Variants in DOCK9 observed in about 807,000 individuals in gnomAD.
The protein encoded by DOCK9 is dedicator of cytokinesis protein 9.
Under a neutral mutation model 263.3 loss-of-function variants are expected in DOCK9, and 89 were observed. That is an observed-to-expected ratio of 0.34 (90% confidence interval 0.28 to 0.40). The LOEUF is 0.40. Ranked by LOEUF, DOCK9 falls within the 10% of genes least tolerant of loss-of-function variation. The pLI is 1.00. For synonymous variants in DOCK9, 976 were observed against 973.1 expected, an observed-to-expected ratio of 1.00 and a Z score of -0.06; for missense variants, 2,140 against 2,603.4, an observed-to-expected ratio of 0.82 and a Z score of 3.87.
chr13:99,071,306 C>CTTTTTTTTTTTTTTTTTTTTTTTTTTTTT (rs71114578), intron 1 of DOCK9, among the ~76,000 whole-genome samples: 6 of 49,330 alleles, frequency 1.2e-4, no homozygotes, highest in East Asian at 6.7e-4. Context: ...CCATGCCTGG[C>CTTTTTTTTTTTTTTTTTTTTTTTTTTTTT]TTTTTTTTTT....
rs549245322 is a variant in DOCK9 at position 98,846,466 on chromosome 13, A to C, written c.4062-406T>G. On this transcript the variant is annotated intron_variant, in intron 37 of 52. Transcript: ENST00000682017. ...TTAAAAAATGCATTGGAAGACACAG[A>C]GAACAAACATGCAAAGGAAGGGATT... 7.8e-6 allele frequency: 10 copies of C among 1,284,728 alleles called. No homozygotes were observed. In the South Asian group the frequency reaches 1.0e-4, roughly 13 times the overall value. 79.6% of individuals were successfully genotyped at this position (1,284,728 alleles called of 1,614,324 possible).
intron 1 of DOCK9, among the ~76,000 whole-genome samples, chr13:99,071,305 G>GTTTTTTTTTTT (rs1566387440): frequency 2.8e-5 from 2 of 70,930 alleles, no homozygotes; most frequent in East Asian, 5.0e-4. Context: ...ACCATGCCTG[G>GTTTTTTTTTTT]CTTTTTTTTT....
At chr13:98,844,530 T>C (rs1302845115) in intron 38 of DOCK9, among the ~76,000 whole-genome samples, 1 of 151,938 alleles carries the variant, frequency 6.6e-6, no homozygotes, top group Non-Finnish European at 1.5e-5. Context: ...GCCTGACTAG[T>C]TTTTGTATTT....
chr13:98,799,300 T>C (rs1474848791), intron 50 of DOCK9, among the ~76,000 whole-genome samples: 1 of 152,168 alleles, frequency 6.6e-6, no homozygotes, highest in Admixed American at 6.5e-5. Context: ...TTCATAAACA[T>C]ACCCTTCTTG....
At chr13:98,948,004 T>C (rs895087671) in intron 2 of DOCK9, among the ~76,000 whole-genome samples, 3 of 152,198 alleles carry the variant, frequency 2.0e-5, no homozygotes, top group African/African-American at 7.2e-5. Context: ...TTCTTTTGGC[T>C]CTATATAAGA....
rs537347168 is a variant in DOCK9, at chr13:99,075,400, T to A, written c.129+10823A>T. 2.8e-5 allele frequency among the ~76,000 whole-genome samples: 4 copies of A among 144,342 alleles called. No individual in the cohort carries two copies. The East Asian group carries it at 8.6e-4, about 31-fold the overall frequency. The allele number at this position is 144,342 out of a possible 152,430, so 94.7% of individuals were successfully genotyped here. Reference sequence around the variant, plus strand: ...GAGACAGTCTCACTTTCACCCAGGCTAGAGTGCAGTGGCTCAATCAGAGCT... The same window carrying A: ...GAGACAGTCTCACTTTCACCCAGGCAAGAGTGCAGTGGCTCAATCAGAGCT... On this transcript the variant is annotated intron_variant, in intron 1 of 32. Coordinates refer to the DOCK9 transcript ENST00000427887.
At chr13:99,056,826 G>A (rs1355735496) in intron 1 of DOCK9, among the ~76,000 whole-genome samples, 1 of 152,174 alleles carries the variant, frequency 6.6e-6, no homozygotes, top group Admixed American at 6.5e-5. Flanking sequence ...GGAGGCCAAG[G>A]AGCAGCTCCT....
At position 99,056,573 on chromosome 13, in the gene DOCK9, G is replaced by A. The variant is rs141629853; in HGVS notation, c.129+29650C>T. On this transcript the variant is annotated intron_variant, in intron 1 of 32. Coordinates refer to the DOCK9 transcript ENST00000427887. Reference sequence around the variant, plus strand: ...CCAGTCACCCAGAGCAAAGAAATGAGCAACCTAGAAGTCATTTCTGGATGG... The same window carrying A: ...CCAGTCACCCAGAGCAAAGAAATGAACAACCTAGAAGTCATTTCTGGATGG... Among the ~76,000 whole-genome samples, 713 of 152,292 alleles carry A rather than the reference G, an allele frequency of 4.7e-3. 9 individuals carry two copies. Among genetic ancestry groups the A allele is most frequent in the African/African-American group, 0.016 (673 of 41,556 alleles).
intron 9 of DOCK9, among the ~76,000 whole-genome samples, chr13:98,913,261 C>T (rs1453018318): frequency 2.6e-5 from 4 of 151,992 alleles, no homozygotes; most frequent in East Asian, 1.9e-4. Flanking sequence ...TGTGGAGGGT[C>T]GCCATTTCAC....
chr13:99,012,780 G>A (rs1212944488), intron 1 of DOCK9, among the ~76,000 whole-genome samples: 1 of 152,158 alleles, frequency 6.6e-6, no homozygotes, highest in Non-Finnish European at 1.5e-5. Flanking sequence ...ACTTCTTGGT[G>A]TGTGTTCTTG....
At chr13:98,868,174 T>C in intron 28 of DOCK9, 57 bp downstream of exon 28, 1 of 1,600,510 alleles carries the variant, frequency 6.2e-7, no homozygotes, top group Non-Finnish European at 8.5e-7. Flanking sequence ...GCTAGACAGC[T>C]GGTAAAAAGC....
intron 38 of DOCK9, among the ~76,000 whole-genome samples, chr13:98,843,408 T>C (rs1440218098): frequency 6.6e-6 from 1 of 152,170 alleles, no homozygotes; most frequent in African/African-American, 2.4e-5. Flanking sequence ...CAGTATGCAC[T>C]CCCTTCTCTG....
upstream of DOCK9, among the ~76,000 whole-genome samples, chr13:98,982,088 C>T (rs1477163856): frequency 6.6e-6 from 1 of 152,028 alleles, no homozygotes; most frequent in African/African-American, 2.4e-5. Context: ...TGTTGTAAAC[C>T]CTGTGGGGAA....
chr13:99,019,542 C>T (rs1885826443), intron 1 of DOCK9, among the ~76,000 whole-genome samples: 1 of 152,076 alleles, frequency 6.6e-6, no homozygotes, highest in Non-Finnish European at 1.5e-5. Context: ...TCAATGGGAA[C>T]CCTCACTCCA....
chr13:99,008,879 T>G (rs1429925744), intron 1 of DOCK9, among the ~76,000 whole-genome samples: 1 of 152,202 alleles, frequency 6.6e-6, no homozygotes, highest in Non-Finnish European at 1.5e-5. Flanking sequence ...AAAGACCCTA[T>G]TGCCAAACAC....
Position 99,008,229 on chromosome 13 carries a change from T to TAC in DOCK9, c.130-52679_130-52678insGT, listed in dbSNP as rs1567201224. On this transcript the variant is annotated intron_variant, in intron 1 of 32. Transcript: ENST00000427887. ...CTCTCTCTCTATATATATATATATATATATATTTTTTTTTTTTTTTGAGAC... is the reference window on the plus strand; with the variant it reads ...CTCTCTCTCTATATATATATATATATACATATATTTTTTTTTTTTTTTGAGAC... 2.5e-5 allele frequency among the ~76,000 whole-genome samples: 3 copies of TAC among 121,230 alleles called. No homozygotes were observed. The East Asian group carries it at 7.0e-4, about 28-fold the overall frequency. The allele number at this position is 121,230 out of a possible 152,430, so 79.5% of individuals were successfully genotyped here.
At chr13:98,991,596 T>C (rs1879818538) in intron 1 of DOCK9, among the ~76,000 whole-genome samples, 2 of 152,074 alleles carry the variant, frequency 1.3e-5, no homozygotes, top group South Asian at 4.1e-4. Context: ...CTGGGTTAAA[T>C]AAAATATATT....
intron 1 of DOCK9, among the ~76,000 whole-genome samples, chr13:99,061,889 T>C (rs2041209632): frequency 6.6e-6 from 1 of 151,972 alleles, no homozygotes; most frequent in Non-Finnish European, 1.5e-5. Context: ...GTTTTTTTTT[T>C]GAGACACGGT....
intron 1 of DOCK9, among the ~76,000 whole-genome samples, chr13:98,971,434 G>A (rs559856581): frequency 9.9e-5 from 15 of 152,214 alleles, no homozygotes; most frequent in East Asian, 1.9e-4. Context: ...GGGGCCGGGC[G>A]CGGTGGCTCA....
Sources: gnomAD v4.1 joint callset for allele counts (sites outside exome capture counted in the v4.1 genomes callset) on GRCh38, gnomAD v4.1.1 for gene constraint, MANE v1.5 for transcripts, NCBI Gene and HGNC (gene_info 2026-07-23, HGNC 2026-07-21) for gene names.